Variants in BAZ2B observed in about 807,000 individuals in gnomAD.
BAZ2B encodes the protein bromodomain adjacent to zinc finger domain 2B, also known as bromodomain adjacent to zinc finger domain protein 2B.
In BAZ2B, 91 loss-of-function variants were observed where a neutral mutation model predicts 246.0. The ratio of observed to expected loss-of-function variants is 0.37; its 90% confidence interval spans 0.31 to 0.44. The LOEUF is 0.44. Among genes scored for constraint, BAZ2B ranks in the 20% least tolerant of loss-of-function variants. The probability of loss-of-function intolerance (pLI) is 1.00; values close to 1 mark genes in which losing one functional copy is unlikely to be tolerated. For synonymous variants in BAZ2B, 855 were observed against 860.0 expected, an observed-to-expected ratio of 0.99 and a Z score of 0.10; for missense variants, 2,332 against 2,533.7, an observed-to-expected ratio of 0.92 and a Z score of 1.71.
chr2:159,682,256 A>C, the BAZ2B span, among the ~76,000 whole-genome samples: 1 of 136,824 alleles, frequency 7.3e-6, no homozygotes, highest in Non-Finnish European at 1.5e-5. Context: ...GCAGAGGCTC[A>C]CTGTAGCCTC....
At chr2:159,415,095 A>C (rs1559331805) in intron 13 of BAZ2B, among the ~76,000 whole-genome samples, 1 of 152,056 alleles carries the variant, frequency 6.6e-6, no homozygotes, top group Non-Finnish European at 1.5e-5. Flanking sequence ...CTATTTCTGT[A>C]TATATTTGAG....
At chr2:159,692,871 C>A in the BAZ2B span, among the ~76,000 whole-genome samples, 1 of 152,180 alleles carries the variant, frequency 6.6e-6, no homozygotes, top group Non-Finnish European at 1.5e-5. Context: ...GTAGTACTAT[C>A]GAGTACAATA....
At position 159,438,575 on chromosome 2, in the gene BAZ2B, G is replaced by T; in HGVS notation, c.1021C>A (p.Gln341Lys). The T allele has an allele frequency of 6.2e-7, 1 of 1,614,156 alleles. No individual in the cohort carries two copies. The highest frequency in any genetic ancestry group is 8.5e-7 in the Non-Finnish European group (1 of 1,180,012). ...LASESQTHSFQSQQKQPQVLS... is the reference protein window; with the variant it reads ...LASESQTHSFKSQQKQPQVLS... The stretch of plus-strand genomic sequence containing the variant: ...ACCTGAGGCTGCTTCTGCTGGGATT[G>T]GAATGAGTGAGTCTGGGATTCAGAC... Residue 341 changes from glutamine (Q) to lysine (K), a missense_variant, in exon 8 of 37, where the codon CAA becomes AAA. This residue lies in a region of BAZ2B where 161 missense variants were observed against 225.8 expected (regional missense o/e 0.71). Coordinates refer to ENST00000392783, the MANE Select transcript of BAZ2B (RefSeq NM_013450.4).
chr2:159,551,269 A>G (rs2088167846), intron 2 of BAZ2B, among the ~76,000 whole-genome samples: 1 of 152,132 alleles, frequency 6.6e-6, no homozygotes, highest in Admixed American at 6.6e-5. Context: ...GGAGATCAAA[A>G]CCATCCTGGC....
rs1438274300 is a variant in BAZ2B at position 159,373,134 on chromosome 2, A to G, written c.4124T>C (p.Val1375Ala). 1 of 1,614,126 alleles carries G rather than the reference A, an allele frequency of 6.2e-7. No individual in the cohort carries two copies. The highest frequency in any genetic ancestry group is 1.3e-5 in the African/African-American group (1 of 75,068). Residue 1375 changes from valine to alanine, a missense_variant, in exon 27 of 37, where the codon GTG becomes GCG. Physicochemically the swap from Val to Ala is moderately conservative, Grantham distance 64 (BLOSUM62 0). Transcript: ENST00000392783. The stretch of plus-strand genomic sequence containing the variant: ...TCTGTAACGATCTTGGCCAAACATC[A>G]CTGAACGCAATGAGTGAGACGCATC... ...LFDASHSLRS[V>A]MFGQDRYRRR... is the part of the protein sequence containing the mutation.
At chr2:159,325,056 T>A (rs1190093287) in intron 35 of BAZ2B, 102 bp from the exon 36 acceptor site, 1 of 4,348 alleles carries the variant, frequency 2.3e-4, no homozygotes, top group African/African-American at 1.1e-3. Context: ...TATATATATA[T>A]ATATTATATA....
At chr2:159,463,079 C>A (rs6707733) in intron 3 of BAZ2B, 42,679 of 711,276 alleles carry the variant, frequency 0.06, 1,858 homozygotes, top group African/African-American at 0.14. Context: ...GTGAACTGAT[C>A]CATGTTATAA....
At chr2:159,537,093 T>C (rs189603457) in intron 2 of BAZ2B, among the ~76,000 whole-genome samples, 6 of 152,304 alleles carry the variant, frequency 3.9e-5, no homozygotes, top group Admixed American at 1.3e-4. Flanking sequence ...AAGGACATTC[T>C]GGCACATGCT....
At chr2:159,370,338 A>C (rs1439432892) in intron 27 of BAZ2B, among the ~76,000 whole-genome samples, 4 of 150,324 alleles carry the variant, frequency 2.7e-5, no homozygotes, top group African/African-American at 9.7e-5. Context: ...ATATTTATTA[A>C]AAAAAAAACT....
rs2074648369 is a variant in BAZ2B, at chr2:159,448,960, T to A, written c.335-551A>T. Among the ~76,000 whole-genome samples the A allele has an allele frequency of 1.3e-5, 2 of 152,162 alleles. 1 individual carries two copies. Among genetic ancestry groups the A allele is most frequent in the Admixed American group, 1.3e-4 (2 of 15,284 alleles). On this transcript the variant is annotated intron_variant, in intron 4 of 36. Coordinates refer to ENST00000392783, the MANE Select transcript of BAZ2B (RefSeq NM_013450.4). ...ATAAATATAGCAAAATCAGTAGGCC[T>A]TTTTATGTTCTAAAAAATAAGTTCT...
At chr2:159,370,064 G>A (rs2060653735) in intron 27 of BAZ2B, among the ~76,000 whole-genome samples, 1 of 152,062 alleles carries the variant, frequency 6.6e-6, no homozygotes, top group Non-Finnish European at 1.5e-5. Context: ...GCAAACTATT[G>A]CAAGGACAAA....
chr2:159,633,750 T>C, the BAZ2B span, among the ~76,000 whole-genome samples: 10 of 149,986 alleles, frequency 6.7e-5, no homozygotes, highest in Non-Finnish European at 1.0e-4. Context: ...TTTTTTTTTT[T>C]TTTTTTTTAA....
At chr2:159,326,436 TAAAA>T (rs1558952703) in intron 34 of BAZ2B, among the ~76,000 whole-genome samples, 4 of 152,124 alleles carry the variant, frequency 2.6e-5, no homozygotes, top group Non-Finnish European at 4.4e-5. Context: ...TTTTCCTGGA[TAAAA>T]GATAACAGGT....
chr2:159,573,584 C>T (rs748840745), intron 1 of BAZ2B, among the ~76,000 whole-genome samples: 16 of 152,170 alleles, frequency 1.1e-4, no homozygotes, highest in South Asian at 2.1e-4. Flanking sequence ...AGGCGTAAAT[C>T]TTCTTGACCT....
At chr2:159,351,124 C>A (rs1432642129) in intron 27 of BAZ2B, among the ~76,000 whole-genome samples, 1 of 152,084 alleles carries the variant, frequency 6.6e-6, no homozygotes, top group Non-Finnish European at 1.5e-5. Flanking sequence ...CTGTACTACA[C>A]AGCAAAAATT....
chr2:159,629,141 T>C, the BAZ2B span, among the ~76,000 whole-genome samples: 3 of 152,160 alleles, frequency 2.0e-5, no homozygotes, highest in African/African-American at 7.2e-5. Context: ...CTCATGCCAG[T>C]TAGAATGGCA....
At chr2:159,615,509 A>G (rs1429218410) in intron 1 of BAZ2B, 4 of 151,180 alleles carry the variant, frequency 2.6e-5, no homozygotes, top group Non-Finnish European at 5.9e-5. Context: ...GCTCATCTTC[A>G]GTAAACTCAG....
In BAZ2B at chr2:159,462,427, C is replaced by G. The variant is rs1354146888; in HGVS notation, c.146-8626G>C. On this transcript the variant is annotated intron_variant, in intron 3 of 36. Coordinates refer to ENST00000392783, the MANE Select transcript of BAZ2B (RefSeq NM_013450.4). Reference sequence around the variant, plus strand: ...CTGCATTTCTTTGCTAATGTTGTAGCTGAGTAATCTTGTTCCAGTCAATTT... The same window carrying G: ...CTGCATTTCTTTGCTAATGTTGTAGGTGAGTAATCTTGTTCCAGTCAATTT... The G allele has an allele frequency of 8.1e-6, 10 of 1,241,938 alleles. No individual in the cohort carries two copies. The African/African-American group carries it at 1.2e-4, about 15-fold the overall frequency. 76.9% of individuals were successfully genotyped at this position (1,241,938 alleles called of 1,614,324 possible).
intron 1 of BAZ2B, among the ~76,000 whole-genome samples, chr2:159,593,865 G>GT (rs1689969369): frequency 6.6e-6 from 1 of 152,148 alleles, no homozygotes. Context: ...ATTTTTGCCA[G>GT]TTTTTTAAAA....
Sources: allele counts gnomAD v4.1 joint callset (sites outside exome capture counted in the v4.1 genomes callset), GRCh38; gene constraint gnomAD v4.1.1; regional missense constraint gnomAD v4.1.1; transcripts MANE v1.5; gene names NCBI Gene and HGNC (gene_info 2026-07-23, HGNC 2026-07-21).